FAM163A: variants seen among roughly 807,000 people sequenced by gnomAD.
The protein encoded by FAM163A is protein FAM163A.
FAM163A carries 7 observed loss-of-function variants against 12.0 expected under a neutral mutation model. The ratio of observed to expected loss-of-function variants is 0.58; its 90% confidence interval spans 0.33 to 1.10. FAM163A has a LOEUF of 1.10. Among genes scored for constraint, FAM163A ranks in the 50% least tolerant of loss-of-function variants. FAM163A has a pLI of 0.03. For synonymous variants in FAM163A, 101 were observed against 91.0 expected (o/e 1.11, Z -0.62); for missense variants, 202 against 218.6 (o/e 0.92, Z 0.48).
intron 1 of FAM163A, among the ~76,000 whole-genome samples, chr1:179,785,471 T>A (rs1690469454): frequency 6.6e-6 from 1 of 152,176 alleles, no homozygotes; most frequent in Non-Finnish European, 1.5e-5. Context: ...CTCTCTTGGG[T>A]GTAGCTGGGA....
chr1:179,800,725 G>A (rs1292835263), intron 1 of FAM163A, among the ~76,000 whole-genome samples: 1 of 152,172 alleles, frequency 6.6e-6, no homozygotes, highest in Non-Finnish European at 1.5e-5. Flanking sequence ...AGTAGTAGAT[G>A]AAGGATAAAT....
At chr1:179,734,508 A>G in the FAM163A span, among the ~76,000 whole-genome samples, 1 of 152,244 alleles carries the variant, frequency 6.6e-6, no homozygotes, top group Non-Finnish European at 1.5e-5. Flanking sequence ...TAAGCTGGGA[A>G]GTCCTAAATC....
At chr1:179,778,568 C>G (rs1689296905) in intron 1 of FAM163A, among the ~76,000 whole-genome samples, 1 of 151,928 alleles carries the variant, frequency 6.6e-6, no homozygotes, top group Non-Finnish European at 1.5e-5. Context: ...GACCATGGGA[C>G]CTGAAAAAAA....
chr1:179,754,568 C>T (rs77941285), intron 1 of FAM163A, among the ~76,000 whole-genome samples: 1 of 151,932 alleles, frequency 6.6e-6, no homozygotes, highest in Non-Finnish European at 1.5e-5. Context: ...GGATGAAAGA[C>T]GTAAAGATGA....
At chr1:179,768,610 ATTT>A (rs567089668) in intron 1 of FAM163A, among the ~76,000 whole-genome samples, 1 of 144,736 alleles carries the variant, frequency 6.9e-6, no homozygotes, top group Admixed American at 6.9e-5. Flanking sequence ...TGGACACTGG[ATTT>A]TTTTTTTTTT....
chr1:179,754,963 C>T (rs1215823881), intron 1 of FAM163A, among the ~76,000 whole-genome samples: 4 of 151,968 alleles, frequency 2.6e-5, no homozygotes, highest in Admixed American at 2.0e-4. Context: ...ATGGTGAAAC[C>T]CCATCTCTAC....
intron 1 of FAM163A, among the ~76,000 whole-genome samples, chr1:179,745,839 A>G (rs983243436): frequency 7.2e-5 from 11 of 152,204 alleles, no homozygotes; most frequent in Non-Finnish European, 1.6e-4. Context: ...CTTTGGTTCC[A>G]AAGTCACTAC....
In FAM163A at chr1:179,815,756, G is replaced by A. The variant is rs928921430; in HGVS notation, c.*1567G>A. 1.8e-4 allele frequency: 27 copies of A among 152,378 alleles called. No homozygotes were observed. The highest frequency in any genetic ancestry group is 5.5e-4 in the African/African-American group (23 of 41,568). 9.4% of individuals were successfully genotyped at this position (152,378 alleles called of 1,614,324 possible). On this transcript the variant is annotated 3_prime_UTR_variant, in exon 5 of 5. Transcript: ENST00000341785. ...CAGGGAAAGGGCTGGCCCCCCTGCT[G>A]AAATCTTGATTCTGCATTTGAGGAA...
At chr1:179,809,083 G>C (rs1383856438) in intron 2 of FAM163A, among the ~76,000 whole-genome samples, 2 of 152,036 alleles carry the variant, frequency 1.3e-5, no homozygotes, top group Non-Finnish European at 2.9e-5. Context: ...CTCCATCCTG[G>C]GTGACAGAGC....
chr1:179,792,392 C>T (rs902800084), intron 1 of FAM163A, among the ~76,000 whole-genome samples: 21 of 151,912 alleles, frequency 1.4e-4, no homozygotes, highest in Non-Finnish European at 7.4e-5. Flanking sequence ...AATCCACCCC[C>T]GCTTAGCCTC....
intron 1 of FAM163A, among the ~76,000 whole-genome samples, chr1:179,789,890 G>A (rs1275761035): frequency 2.0e-5 from 3 of 152,202 alleles, no homozygotes; most frequent in Non-Finnish European, 4.4e-5. Flanking sequence ...GGAAATCATG[G>A]CAGAAGAGTA....
At chr1:179,739,210 GAA>G (rs11352265), upstream of FAM163A, among the ~76,000 whole-genome samples, 45 of 146,874 alleles carry the variant, frequency 3.1e-4, no homozygotes, top group Admixed American at 4.7e-4. Flanking sequence ...ACATGAAACA[GAA>G]AAAAAAAAAA....
intron 1 of FAM163A, among the ~76,000 whole-genome samples, chr1:179,759,222 C>G (rs896553490): frequency 3.7e-4 from 57 of 152,284 alleles, no homozygotes; most frequent in African/African-American, 1.3e-3. Flanking sequence ...TAGTTTACTT[C>G]CCAGTTTTAA....
the FAM163A span, among the ~76,000 whole-genome samples, chr1:179,736,578 G>A: frequency 6.6e-6 from 1 of 152,196 alleles, no homozygotes; most frequent in African/African-American, 2.4e-5. Context: ...GGAAGGCCAA[G>A]GCGGGTGGAT....
At chr1:179,803,509 G>A (rs944958911) in intron 1 of FAM163A, among the ~76,000 whole-genome samples, 3 of 152,144 alleles carry the variant, frequency 2.0e-5, no homozygotes, top group Non-Finnish European at 4.4e-5. Flanking sequence ...CTATCAGGGT[G>A]GCTTTTAGTG....
chr1:179,745,694 C>A (rs554656113), intron 1 of FAM163A, among the ~76,000 whole-genome samples: 25 of 152,144 alleles, frequency 1.6e-4, no homozygotes, highest in Non-Finnish European at 2.8e-4. Flanking sequence ...TGCTATGTGC[C>A]AGACACAAGG....
chr1:179,795,889 T>C (rs905694222), intron 1 of FAM163A, among the ~76,000 whole-genome samples: 2 of 151,706 alleles, frequency 1.3e-5, no homozygotes, highest in Non-Finnish European at 2.9e-5. Flanking sequence ...GCGTTGGCCA[T>C]TCATAACTGA....
At chr1:179,776,901 A>G (rs1277564434) in intron 1 of FAM163A, among the ~76,000 whole-genome samples, 1 of 152,216 alleles carries the variant, frequency 6.6e-6, no homozygotes, top group East Asian at 1.9e-4. Context: ...CCTATTAAGC[A>G]GTTCTCCCCA....
At chr1:179,797,728 A>T (rs1376365557) in intron 1 of FAM163A, among the ~76,000 whole-genome samples, 4 of 152,162 alleles carry the variant, frequency 2.6e-5, no homozygotes, top group African/African-American at 9.7e-5. Context: ...GAATTAAAAA[A>T]ATCTAAGCAG....
Sources: allele counts gnomAD v4.1 joint callset (sites outside exome capture counted in the v4.1 genomes callset), GRCh38; gene constraint gnomAD v4.1.1; transcripts MANE v1.5; gene names NCBI Gene and HGNC (gene_info 2026-07-23, HGNC 2026-07-21).